FAS: variants seen among roughly 807,000 people sequenced by gnomAD.
FAS encodes Fas cell surface death receptor, also known as tumor necrosis factor receptor superfamily member 6.
A neutral mutation model predicts 33.2 loss-of-function variants in FAS; 5 were observed. That is an observed-to-expected ratio of 0.15 (90% CI 0.08 to 0.32). The LOEUF (loss-of-function observed/expected upper bound fraction) is 0.32, where lower values mean the gene tolerates loss of function less well. Ranked by LOEUF, FAS falls within the 10% of genes least tolerant of loss-of-function variation. The probability of loss-of-function intolerance (pLI) is 1.00; values close to 1 mark genes in which losing one functional copy is unlikely to be tolerated. For missense variants in FAS, 339 were observed against 386.0 expected, an observed-to-expected ratio of 0.88 and a Z score of 1.02; for synonymous variants, 131 against 130.7, an observed-to-expected ratio of 1.00 and a Z score of -0.01.
At chr10:88,989,496 C>G (rs764052466), upstream of FAS, 11 of 544,110 alleles carry the variant, frequency 2.0e-5, no homozygotes, top group Non-Finnish European at 3.6e-5. Flanking sequence ...ACAAGGCTGG[C>G]ACGCCCAGGG....
intron 1 of FAS, among the ~76,000 whole-genome samples, chr10:88,971,829 C>G (rs1368176719): frequency 1.3e-5 from 2 of 151,950 alleles, no homozygotes; most frequent in African/African-American, 4.8e-5. Context: ...TGATGGTGAG[C>G]AGATCTACAG....
At chr10:88,968,135 T>C (rs1460837234) in intron 1 of FAS, among the ~76,000 whole-genome samples, 1 of 152,216 alleles carries the variant, frequency 6.6e-6, no homozygotes, top group Non-Finnish European at 1.5e-5. Flanking sequence ...CAGTTATATG[T>C]ATTTAACTTG....
intron 8 of FAS, 125 bp from the exon 9 acceptor site, chr10:89,013,994 C>T: frequency 1.0e-6 from 1 of 956,206 alleles, no homozygotes; most frequent in Non-Finnish European, 1.6e-6. Flanking sequence ...CCCTAGTCAG[C>T]TCTTCATAGA....
chr10:88,976,671 C>G (rs141046999), intron 2 of FAS, among the ~76,000 whole-genome samples: 67 of 152,222 alleles, frequency 4.4e-4, no homozygotes, highest in Middle Eastern at 3.4e-3. Flanking sequence ...TACACACCAA[C>G]TATTGAGACA....
intron 1 of FAS, among the ~76,000 whole-genome samples, chr10:88,996,059 A>G (rs1264489482): frequency 6.6e-6 from 1 of 152,222 alleles, no homozygotes; most frequent in Admixed American, 6.5e-5. Context: ...GTCAGGCAGC[A>G]TTGTGTTTCT....
Position 88,990,833 on chromosome 10 carries a change from G to C in FAS, c.-44G>C. The C allele has an allele frequency of 1.2e-6, 2 of 1,614,100 alleles. No homozygotes were observed. The highest frequency in any genetic ancestry group is 1.7e-6 in the Non-Finnish European group (2 of 1,179,940). On this transcript the variant is annotated 5_prime_UTR_variant, in exon 1 of 9. Coordinates refer to ENST00000652046, the MANE Select transcript of FAS (RefSeq NM_000043.6). The surrounding 1 kb of genome is among the most constrained non-coding windows in gnomAD (Gnocchi z 4.9). Reference sequence around the variant, plus strand: ...GCGGGTTGGTGGACCCGCTCAGTACGGAGTTGGGGAAGCTCTTTCACTTCG... The same window carrying C: ...GCGGGTTGGTGGACCCGCTCAGTACCGAGTTGGGGAAGCTCTTTCACTTCG...
At position 89,008,949 on chromosome 10, in the gene FAS, A is replaced by C; in HGVS notation, c.395A>C (p.Asn132Thr). 1 of 1,613,970 alleles carries C rather than the reference A, an allele frequency of 6.2e-7. No homozygotes were observed. Among genetic ancestry groups the C allele is most frequent in the South Asian group, 1.1e-5 (1 of 91,080 alleles). The change falls in exon 4 of 9, where the codon AAC (asparagine) becomes ACC (threonine). Residue 132 changes from asparagine to threonine, a missense_variant. Transcript: ENST00000652046. ...TQNTKCRCKPNFFCNSTVCEH... is the reference protein window; with the variant it reads ...TQNTKCRCKPTFFCNSTVCEH... ...AATACCAAGTGCAGATGTAAACCAA[A>C]CTTTTTTTGTAACTCTACTGTATGT... is the stretch of plus-strand genomic sequence containing the variant.
chr10:88,983,938 C>T (rs1589428799), upstream of FAS, among the ~76,000 whole-genome samples: 1 of 152,010 alleles, frequency 6.6e-6, no homozygotes, highest in East Asian at 1.9e-4. Context: ...TTACTGTGAT[C>T]AGAGACTTAG....
rs1276191966 is a variant in FAS at position 88,990,824 on chromosome 10, G to A, written c.-53G>A. The stretch of plus-strand genomic sequence containing the variant: ...TCTTCTCCCGCGGGTTGGTGGACCC[G>A]CTCAGTACGGAGTTGGGGAAGCTCT... On this transcript the variant is annotated 5_prime_UTR_variant, in exon 1 of 9. Transcript: ENST00000652046. The surrounding 1 kb of genome is among the most constrained non-coding windows in gnomAD (Gnocchi z 4.9). 1.6e-5 allele frequency: 26 copies of A among 1,613,388 alleles called. No homozygotes were observed. The highest frequency in any genetic ancestry group is 6.7e-5 in the East Asian group (3 of 44,882).
intron 1 of FAS, among the ~76,000 whole-genome samples, chr10:88,997,976 T>C (rs1847698558): frequency 1.3e-5 from 2 of 152,196 alleles, no homozygotes; most frequent in Admixed American, 1.3e-4. Flanking sequence ...TCAGTGATCA[T>C]CCAAGATGGG....
intron 1 of FAS, among the ~76,000 whole-genome samples, chr10:88,992,998 A>T (rs1228975528): frequency 6.6e-6 from 1 of 152,208 alleles, no homozygotes; most frequent in Non-Finnish European, 1.5e-5. Flanking sequence ...TTTTAATTCT[A>T]TTAATGGGCT....
chr10:88,972,925 A>G (rs113918194), intron 1 of FAS, among the ~76,000 whole-genome samples: 13,520 of 152,216 alleles, frequency 0.089, 790 homozygotes, highest in Non-Finnish European at 0.13. Context: ...TTAGATGGCA[A>G]ATATAAAGAT....
At chr10:89,007,565 A>C in intron 2 of FAS, 135 bp from the exon 3 acceptor site, 18 of 1,019,832 alleles carry the variant, frequency 1.8e-5, no homozygotes, top group Non-Finnish European at 2.2e-5. Context: ...CCCCCATTGT[A>C]TTTATATCTC....
chr10:88,975,284 A>G (rs1002182896), intron 2 of FAS: 3 of 152,264 alleles, frequency 2.0e-5, no homozygotes, highest in African/African-American at 4.8e-5. Context: ...GGAAGGAGAT[A>G]AATCAGAGGC....
upstream of FAS, among the ~76,000 whole-genome samples, chr10:88,986,350 AC>A (rs1324744606): frequency 1.3e-5 from 2 of 152,278 alleles, no homozygotes; most frequent in East Asian, 3.9e-4. Flanking sequence ...GGGGAGGGGT[AC>A]TCAATTGGAT....
chr10:88,976,729 C>T (rs112726225), intron 2 of FAS, among the ~76,000 whole-genome samples: 1 of 152,216 alleles, frequency 6.6e-6, no homozygotes, highest in African/African-American at 2.4e-5. Context: ...AATTAAGAAG[C>T]TATGATAGAA....
At chr10:88,974,487 A>G (rs890256518) in intron 2 of FAS, 8 of 152,200 alleles carry the variant, frequency 5.3e-5, no homozygotes, top group Admixed American at 2.0e-4. Flanking sequence ...TAAAAAATGA[A>G]TTCCTCTTGT....
At chr10:88,973,037 T>C in intron 1 of FAS, 1 of 923,938 alleles carries the variant, frequency 1.1e-6, no homozygotes, top group Non-Finnish European at 1.5e-6. Flanking sequence ...GAGTTTGTAG[T>C]TGTTTTATTT....
chr10:88,967,427 A>G (rs1274425642), intron 1 of FAS, among the ~76,000 whole-genome samples: 2 of 152,164 alleles, frequency 1.3e-5, no homozygotes, highest in Non-Finnish European at 2.9e-5. Flanking sequence ...GAAGGATGTA[A>G]CACCTGCTTC....
Sources: allele counts gnomAD v4.1 joint callset (sites outside exome capture counted in the v4.1 genomes callset), GRCh38; gene constraint gnomAD v4.1.1; non-coding constraint Gnocchi (gnomAD v3.1); transcripts MANE v1.5; gene names NCBI Gene and HGNC (gene_info 2026-07-23, HGNC 2026-07-21).